Variants in HIBCH observed in about 807,000 individuals in gnomAD.
HIBCH encodes the protein 3-hydroxyisobutyryl-CoA hydrolase.
HIBCH carries 50 observed loss-of-function variants against 58.2 expected under a neutral mutation model. The observed-to-expected ratio is 0.86, with a 90% CI of 0.68 to 1.09. The LOEUF (loss-of-function observed/expected upper bound fraction) is 1.09. Among genes scored for constraint, HIBCH ranks in the 50% least tolerant of loss-of-function variants. The pLI is 0.00. For synonymous variants in HIBCH, 151 were observed against 146.9 expected, an observed-to-expected ratio of 1.03 and a Z score of -0.20; for missense variants, 450 against 449.7, an observed-to-expected ratio of 1.00 and a Z score of -0.01.
chr2:190,208,634 T>C (rs1424472541), intron 13 of HIBCH: 7 of 556,192 alleles, frequency 1.3e-5, no homozygotes, highest in Middle Eastern at 5.0e-4. Context: ...ATTCTTTATC[T>C]GGAATGCTTG....
intron 3 of HIBCH, 26 bp from the exon 4 acceptor site, chr2:190,294,656 A>G: frequency 1.4e-6 from 2 of 1,475,406 alleles, no homozygotes; most frequent in South Asian, 2.3e-5. Flanking sequence ...AGAAGATGGT[A>G]TAAGCATATT....
At chr2:190,222,327 T>C (rs1392768660) in intron 11 of HIBCH, among the ~76,000 whole-genome samples, 1 of 152,040 alleles carries the variant, frequency 6.6e-6, no homozygotes, top group East Asian at 1.9e-4. Context: ...GCACTACAGT[T>C]ACTGCCCATG....
At chr2:190,234,052 G>A (rs1296030403) in intron 11 of HIBCH, among the ~76,000 whole-genome samples, 3 of 152,148 alleles carry the variant, frequency 2.0e-5, no homozygotes, top group Non-Finnish European at 4.4e-5. Flanking sequence ...AGATACTTGG[G>A]AGGCTGAGAC....
intron 7 of HIBCH, 100 bp downstream of exon 7, chr2:190,261,054 TCA>T: frequency 1.2e-6 from 1 of 852,272 alleles, no homozygotes; most frequent in Non-Finnish European, 2.0e-6. Context: ...TTGTTGCATC[TCA>T]CACAAGAGTC....
rs180762450 is a variant in HIBCH at position 190,243,690 on chromosome 2, G to T, written c.891+1197C>A. The stretch of plus-strand genomic sequence containing the variant: ...CCCCTTAAGAATACAGTAAAAGGCC[G>T]GGTGTGGTGGCTCACACCTGTAATC... On this transcript the variant is annotated intron_variant, in intron 11 of 13. Coordinates refer to ENST00000359678, the MANE Select transcript of HIBCH (RefSeq NM_014362.4). This position sits in a 1 kb window ranked among gnomAD's most constrained non-coding sequence, Gnocchi z 4.1. Among the ~76,000 whole-genome samples the T allele has an allele frequency of 1.3e-4, 20 of 152,194 alleles. No individual in the cohort carries two copies. Among genetic ancestry groups the T allele is most frequent in the African/African-American group, 4.3e-4 (18 of 41,520 alleles).
At chr2:190,198,197 G>A (rs1225950109) in intron 1 of HIBCH, among the ~76,000 whole-genome samples, 6 of 152,066 alleles carry the variant, frequency 3.9e-5, no homozygotes, top group Non-Finnish European at 8.8e-5. Flanking sequence ...TCTTATTAGG[G>A]GTAGGAACAG....
At chr2:190,192,003 C>T (rs947828232) in intron 1 of HIBCH, among the ~76,000 whole-genome samples, 4 of 150,256 alleles carry the variant, frequency 2.7e-5, no homozygotes, top group African/African-American at 9.8e-5. Context: ...TTTCATGGTT[C>T]ATGCTTTTGG....
chr2:190,204,429 T>C lies in HIBCH; in HGVS notation c.*688A>G, dbSNP rs554061859. On this transcript the variant is annotated 3_prime_UTR_variant, in exon 14 of 14. Transcript: ENST00000359678. ...ACCATGGGATGGTATTCTGATTATTTTAGGGAAGACCAAGTCTGAGTTAAT... is the reference window on the plus strand; with the variant it reads ...ACCATGGGATGGTATTCTGATTATTCTAGGGAAGACCAAGTCTGAGTTAAT... The C allele has an allele frequency of 1.3e-5, 2 of 152,214 alleles. No individual in the cohort carries two copies. The highest frequency in any genetic ancestry group is 3.9e-4 in the East Asian group (2 of 5,186). The allele number at this position is 152,214 out of a possible 1,614,324, so 9.4% of individuals were successfully genotyped here.
intron 6 of HIBCH, chr2:190,280,802 G>C (rs1687687126): frequency 6.6e-6 from 1 of 152,166 alleles, no homozygotes. Flanking sequence ...AAAACCCCAA[G>C]TCAAGGGCCA....
chr2:190,317,834 T>TA (rs1559070216), intron 1 of HIBCH, among the ~76,000 whole-genome samples: 1 of 151,650 alleles, frequency 6.6e-6, no homozygotes. Flanking sequence ...TTTCCTTTTT[T>TA]TTTTTTTGAG....
At chr2:190,202,889 T>A (rs1690290790), downstream of HIBCH, 1 of 167,108 alleles carries the variant, frequency 6.0e-6, no homozygotes, top group Admixed American at 6.5e-5. Flanking sequence ...TTATGTACTG[T>A]TGTTACCTTT....
intron 6 of HIBCH, among the ~76,000 whole-genome samples, chr2:190,264,057 A>C (rs1460878211): frequency 6.6e-5 from 10 of 151,986 alleles, no homozygotes; most frequent in Admixed American, 5.9e-4. Flanking sequence ...ACAATCTATC[A>C]TCTCTATACC....
intron 11 of HIBCH, among the ~76,000 whole-genome samples, chr2:190,220,845 G>C (rs1328453394): frequency 1.3e-5 from 2 of 152,062 alleles, no homozygotes; most frequent in African/African-American, 2.4e-5. Flanking sequence ...CCACTTTCTG[G>C]CTTCATATGC....
intron 6 of HIBCH, among the ~76,000 whole-genome samples, chr2:190,274,841 A>G (rs932138733): frequency 6.6e-6 from 1 of 152,208 alleles, no homozygotes; most frequent in East Asian, 1.9e-4. Flanking sequence ...TGTTGATAGG[A>G]GTCTCTTGCA....
intron 1 of HIBCH, among the ~76,000 whole-genome samples, chr2:190,193,587 T>C (rs149481628): frequency 4.5e-4 from 68 of 152,298 alleles, no homozygotes; most frequent in African/African-American, 1.4e-3. Flanking sequence ...TGTAGGGCTA[T>C]CATTTTTTTC....
At chr2:190,202,577 T>G (rs1033186462), downstream of HIBCH, 3 of 167,022 alleles carry the variant, frequency 1.8e-5, no homozygotes, top group African/African-American at 4.8e-5. Flanking sequence ...ATCTTTATAT[T>G]GAAATATGGG....
intron 8 of HIBCH, among the ~76,000 whole-genome samples, chr2:190,251,781 A>T (rs1481152797): frequency 1.3e-5 from 2 of 152,048 alleles, no homozygotes; most frequent in African/African-American, 4.8e-5. Context: ...AGGGAAACTC[A>T]TAACCAAAAG....
chr2:190,296,014 G>C (rs1305880557), intron 3 of HIBCH, among the ~76,000 whole-genome samples: 1 of 152,188 alleles, frequency 6.6e-6, no homozygotes, highest in Non-Finnish European at 1.5e-5. Context: ...TTAATAAATA[G>C]AAATCCACGT....
At chr2:190,309,779 T>C (rs1688512066) in intron 2 of HIBCH, among the ~76,000 whole-genome samples, 1 of 152,214 alleles carries the variant, frequency 6.6e-6, no homozygotes, top group East Asian at 1.9e-4. Flanking sequence ...CAGGATGGTC[T>C]CGATCTCCTG....
Sources: gnomAD v4.1 joint callset for allele counts (sites outside exome capture counted in the v4.1 genomes callset) on GRCh38, gnomAD v4.1.1 for gene constraint, Gnocchi (gnomAD v3.1) non-coding constraint, MANE v1.5 for transcripts, NCBI Gene and HGNC (gene_info 2026-07-23, HGNC 2026-07-21) for gene names.